Variants in SMG6 observed in about 807,000 individuals in gnomAD.
SMG6 encodes SMG6 nonsense mediated mRNA decay factor.
Under a neutral mutation model 142.2 loss-of-function variants are expected in SMG6, and 66 were observed. That is an observed-to-expected ratio of 0.46 (90% confidence interval 0.38 to 0.57). The LOEUF (loss-of-function observed/expected upper bound fraction) is 0.57. SMG6 is among the 20% of genes least tolerant of loss of function. The pLI, the probability that SMG6 is intolerant of heterozygous loss-of-function variation, is 0.00. For synonymous variants in SMG6, 779 were observed against 702.4 expected, an observed-to-expected ratio of 1.11 and a Z score of -1.72; for missense variants, 1,793 against 1,832.0, an observed-to-expected ratio of 0.98 and a Z score of 0.39.
intron 12 of SMG6, 41 bp from the exon 13 acceptor site, chr17:2,172,900 G>A (rs1567657599): frequency 1.3e-6 from 2 of 1,573,536 alleles, no homozygotes; most frequent in Non-Finnish European, 8.7e-7. Context: ...TCTAAAGAGG[G>A]ACCAGTAAAA....
intron 13 of SMG6, among the ~76,000 whole-genome samples, chr17:2,105,763 T>G (rs2069139875): frequency 6.6e-6 from 1 of 152,194 alleles, no homozygotes; most frequent in South Asian, 2.1e-4. Flanking sequence ...TTCATTTCAT[T>G]TCACTGGACA....
At chr17:2,275,138 C>T (rs981196214) in intron 8 of SMG6, among the ~76,000 whole-genome samples, 4 of 151,874 alleles carry the variant, frequency 2.6e-5, no homozygotes, top group African/African-American at 7.3e-5. Flanking sequence ...ATAAAGAATA[C>T]GAGCCGGGCA....
chr17:2,124,452 A>G (rs2069805906), intron 13 of SMG6, among the ~76,000 whole-genome samples: 1 of 152,212 alleles, frequency 6.6e-6, no homozygotes, highest in Non-Finnish European at 1.5e-5. Context: ...ACAAAGTTCC[A>G]TTTCTGGCCT....
At chr17:2,134,037 CTG>C (rs1336455020) in intron 13 of SMG6, among the ~76,000 whole-genome samples, 1 of 152,214 alleles carries the variant, frequency 6.6e-6, no homozygotes, top group East Asian at 1.9e-4. Context: ...GAGGATAAAA[CTG>C]TATGTTTAGG....
chr17:2,209,915 A>G (rs1338052326), intron 10 of SMG6, among the ~76,000 whole-genome samples: 4 of 152,220 alleles, frequency 2.6e-5, no homozygotes, highest in African/African-American at 7.2e-5. Flanking sequence ...GAGGCAAGCA[A>G]TACACAGAAA....
chr17:2,065,082 C>A lies in SMG6; in HGVS notation c.4120G>T (p.Ala1374Ser). The change falls in exon 18 of 19, where the codon GCC becomes TCC. Residue 1374 changes from alanine (A) to serine (S), a missense_variant. This residue lies in a region of SMG6 where 179 missense variants were observed against 212.6 expected (regional missense o/e 0.84). Transcript: ENST00000263073. ...CKDKAKDFMP[A>S]SKEEPIRLLR... is the part of the protein sequence containing the mutation. ...GGAGGCAAAGCTGTACCTTTGCTGG[C>A]GGGCATGAAGTCCTTAGCCTTGTCT... 1 of 1,613,314 alleles carries A rather than the reference C, an allele frequency of 6.2e-7. No individual in the cohort carries two copies. The highest frequency in any genetic ancestry group is 8.5e-7 in the Non-Finnish European group (1 of 1,179,418).
At chr17:2,087,127 G>A (rs1055370850) in intron 13 of SMG6, 2 of 1,290,370 alleles carry the variant, frequency 1.5e-6, no homozygotes, top group African/African-American at 3.0e-5. Flanking sequence ...TCTCTCATGT[G>A]GACAGCAACC....
chr17:2,293,229 A>C (rs2075077969), intron 4 of SMG6, among the ~76,000 whole-genome samples: 2 of 152,184 alleles, frequency 1.3e-5, no homozygotes, highest in Admixed American at 6.5e-5. Context: ...AGAGAGGGTG[A>C]TTCTTGAGTC....
intron 9 of SMG6, among the ~76,000 whole-genome samples, chr17:2,241,576 T>TG (rs2073801169): frequency 6.6e-6 from 1 of 152,184 alleles, no homozygotes; most frequent in Non-Finnish European, 1.5e-5. Context: ...AAAAGAGAGA[T>TG]GGGGTCTTCT....
intron 15 of SMG6, among the ~76,000 whole-genome samples, chr17:2,079,789 T>TG (rs2068361903): frequency 6.6e-6 from 1 of 151,566 alleles, no homozygotes; most frequent in Non-Finnish European, 1.5e-5. Context: ...TAAAGAATGA[T>TG]GGAGGCTGGG....
At chr17:2,257,256 T>C (rs376553996) in intron 8 of SMG6, among the ~76,000 whole-genome samples, 5 of 151,942 alleles carry the variant, frequency 3.3e-5, no homozygotes, top group Non-Finnish European at 5.9e-5. Flanking sequence ...CAGCTAATTT[T>C]TGTATTTTCA....
At chr17:2,093,682 C>CAA (rs79856712) in intron 13 of SMG6, among the ~76,000 whole-genome samples, 1 of 151,894 alleles carries the variant, frequency 6.6e-6, no homozygotes, top group Non-Finnish European at 1.5e-5. Flanking sequence ...GTTGAAGCTG[C>CAA]AAAAAAAATT....
Position 2,167,131 on chromosome 17 carries a change from C to CAAAAAA in SMG6, c.3357+5521_3357+5526dup, listed in dbSNP as rs57898779. Among the ~76,000 whole-genome samples the CAAAAAA allele has an allele frequency of 9.5e-4, 34 of 35,696 alleles. 1 individual carries two copies. The highest frequency in any genetic ancestry group is 2.8e-3 in the African/African-American group (18 of 6,448). 23.4% of individuals were successfully genotyped at this position (35,696 alleles called of 152,430 possible). A position where few individuals can be genotyped will look rare whatever the true frequency, so the allele number is the denominator to read the frequency against. ...TGGGCGACAGAGTAGGACTCCATCT[C>CAAAAAA]AAAAAAAAAAAAAAAAAAAAAAAAA... On this transcript the variant is annotated intron_variant, in intron 13 of 18. Coordinates refer to ENST00000263073, the MANE Select transcript of SMG6 (RefSeq NM_017575.5).
intron 13 of SMG6, among the ~76,000 whole-genome samples, chr17:2,169,382 C>T (rs1320419742): frequency 6.6e-6 from 1 of 151,420 alleles, no homozygotes; most frequent in Non-Finnish European, 1.5e-5. Context: ...AAATACTGTA[C>T]AGAAGTACCT....
At chr17:2,269,866 TAA>T (rs1385453465) in intron 8 of SMG6, among the ~76,000 whole-genome samples, 4 of 152,118 alleles carry the variant, frequency 2.6e-5, no homozygotes, top group African/African-American at 7.2e-5. Flanking sequence ...TAATATCTGA[TAA>T]AAGTAGGACT....
rs186908381 is a variant in SMG6 at position 2,136,327 on chromosome 17, G to A, written c.3357+36331C>T. Among the ~76,000 whole-genome samples, 30 of 152,266 alleles carry A rather than the reference G, an allele frequency of 2.0e-4. No individual in the cohort carries two copies. In the East Asian group the frequency reaches 5.6e-3, roughly 28 times the overall value. On this transcript the variant is annotated intron_variant, in intron 13 of 18. Transcript: ENST00000263073. ...CAAAGTGCTGGGATTACAGGCATGAGTCACTGCGCCTGGCCAATTAATTTA... is the reference window on the plus strand; with the variant it reads ...CAAAGTGCTGGGATTACAGGCATGAATCACTGCGCCTGGCCAATTAATTTA...
chr17:2,237,649 G>A (rs1392547029), intron 9 of SMG6: 2 of 756,668 alleles, frequency 2.6e-6, no homozygotes, highest in African/African-American at 1.9e-5. Flanking sequence ...AGGCTGTAAC[G>A]CAGGGAGGCA....
At chr17:2,170,042 C>A (rs769113258) in intron 13 of SMG6, among the ~76,000 whole-genome samples, 11 of 152,072 alleles carry the variant, frequency 7.2e-5, no homozygotes, top group Non-Finnish European at 1.0e-4. Context: ...ACACAAGCAG[C>A]CCAAAAATCA....
chr17:2,196,621 C>T (rs1235626511), intron 10 of SMG6, among the ~76,000 whole-genome samples: 1 of 152,088 alleles, frequency 6.6e-6, no homozygotes, highest in Non-Finnish European at 1.5e-5. Context: ...GAACGTTTCA[C>T]GTAGATAAAG....
Sources: allele counts gnomAD v4.1 joint callset (sites outside exome capture counted in the v4.1 genomes callset), GRCh38; gene constraint gnomAD v4.1.1; regional missense constraint gnomAD v4.1.1; transcripts MANE v1.5; gene names NCBI Gene and HGNC (gene_info 2026-07-23, HGNC 2026-07-21).